TMEM120A: variants seen among roughly 807,000 people sequenced by gnomAD.
TMEM120A encodes the protein transmembrane protein 120A.
TMEM120A carries 45 observed loss-of-function variants against 54.3 expected under a neutral mutation model. The observed-to-expected ratio is 0.83, with a 90% confidence interval of 0.65 to 1.06. The LOEUF is 1.06. Ranked by LOEUF, TMEM120A falls within the 50% of genes least tolerant of loss-of-function variation. The pLI is 0.00. For missense variants in TMEM120A, 424 were observed against 441.7 expected (o/e 0.96, Z 0.36); for synonymous variants, 204 against 178.5 (o/e 1.14, Z -1.14).
rs111911492 is a variant in TMEM120A, at chr7:75,992,102, G to A, written c.317+42C>T. 199 of 1,420,406 alleles carry A rather than the reference G, an allele frequency of 1.4e-4. No individual in the cohort carries two copies. In the African/African-American group the frequency reaches 2.5e-3, roughly 18 times the overall value. 88.0% of individuals were successfully genotyped at this position (1,420,406 alleles called of 1,614,324 possible). ...GAGGAGGCAGCACCCGGCTTCAGGAGTGGCTGTGAACTGAGCTGGGGGTGG... is the reference window on the plus strand; with the variant it reads ...GAGGAGGCAGCACCCGGCTTCAGGAATGGCTGTGAACTGAGCTGGGGGTGG... On this transcript the variant is annotated intron_variant, in intron 3 of 11. Coordinates refer to ENST00000493111, the MANE Select transcript of TMEM120A (RefSeq NM_031925.3).
Position 75,987,098 on chromosome 7 carries a change from G to C in TMEM120A, c.*74C>G. ...GAGACCCCCTGATACACGCACACTC[G>C]AGGGGCGCCTCCCATCCCCTCCCAC... On this transcript the variant is annotated 3_prime_UTR_variant, in exon 12 of 12. Coordinates refer to ENST00000493111, the MANE Select transcript of TMEM120A (RefSeq NM_031925.3). 1 of 1,280,386 alleles carries C rather than the reference G, an allele frequency of 7.8e-7. No individual in the cohort carries two copies. The highest frequency in any genetic ancestry group is 1.8e-4 in the Middle Eastern group (1 of 5,458). 79.3% of individuals were successfully genotyped at this position (1,280,386 alleles called of 1,614,324 possible). A position where few individuals can be genotyped will look rare whatever the true frequency, so the allele number is the denominator to read the frequency against.
chr7:75,994,445 C>A lies in TMEM120A; in HGVS notation c.81+45G>T, dbSNP rs1445306640. ...TGCCCGACCCTTGACCCTGAGCCAG[C>A]GAGACGCGGCTCGGGGGCGACCCGG... is the stretch of plus-strand genomic sequence containing the variant. On this transcript the variant is annotated intron_variant, in intron 1 of 11. Transcript: ENST00000493111. 3.3e-6 allele frequency: 5 copies of A among 1,519,540 alleles called. No homozygotes were observed. The South Asian group carries it at 3.6e-5, about 11-fold the overall frequency. 94.1% of individuals were successfully genotyped at this position (1,519,540 alleles called of 1,614,324 possible).
chr7:75,994,051 G>A (rs994344363), intron 1 of TMEM120A, among the ~76,000 whole-genome samples: 1 of 150,648 alleles, frequency 6.6e-6, no homozygotes, highest in Non-Finnish European at 1.5e-5. Context: ...GGCGGCGCGC[G>A]GTATCCCTCT....
At chr7:75,989,418 G>A (rs191277870) in intron 3 of TMEM120A, among the ~76,000 whole-genome samples, 194 bp from the exon 4 acceptor site, 9 of 151,418 alleles carry the variant, frequency 5.9e-5, no homozygotes, top group Admixed American at 2.0e-4. Context: ...CTTCCTGGCC[G>A]CCTGCTCCGG....
chr7:75,991,367 C>T (rs1554561758), intron 3 of TMEM120A, among the ~76,000 whole-genome samples: 2 of 152,120 alleles, frequency 1.3e-5, no homozygotes, highest in African/African-American at 4.8e-5. Context: ...TGCTACCTCT[C>T]GCCCTCAGCC....
chr7:75,991,998 T>C lies in TMEM120A; in HGVS notation c.317+146A>G. 3 of 549,968 alleles carry C rather than the reference T, an allele frequency of 5.5e-6. No homozygotes were observed. The South Asian group carries it at 8.4e-5, about 15-fold the overall frequency. The allele number at this position is 549,968 out of a possible 1,614,324, so 34.1% of individuals were successfully genotyped here. On this transcript the variant is annotated intron_variant, in intron 3 of 11. Coordinates refer to ENST00000493111, the MANE Select transcript of TMEM120A (RefSeq NM_031925.3). ...GTGAAATGTCACTCTCAGCCAGGTG[T>C]CTCCCCTGAAGTCAGCACTGTGCCT...
At chr7:75,990,156 G>A (rs1789780512) in intron 3 of TMEM120A, among the ~76,000 whole-genome samples, 1 of 152,136 alleles carries the variant, frequency 6.6e-6, no homozygotes, top group Admixed American at 6.5e-5. Context: ...AACCCACCAG[G>A]CTGCGGATGT....
In TMEM120A at chr7:75,987,257, AGG is replaced by A; in HGVS notation, c.945_946del (p.Leu316ProfsTer75). 2.5e-6 allele frequency: 4 copies of A among 1,607,030 alleles called. No homozygotes were observed. Among genetic ancestry groups the A allele is most frequent in the East Asian group, 2.2e-5 (1 of 44,678 alleles). On this transcript the variant is annotated frameshift_variant, in exon 12 of 12. Transcript: ENST00000493111. LOFTEE classifies it high-confidence loss of function. ...GGTGAAGAAATTGCCGAGGAAAAGG[AGG>A]AGGAAGGGAAAGCCGCACATAAGCA...
At chr7:75,993,709 C>T (rs1394325138) in intron 1 of TMEM120A, among the ~76,000 whole-genome samples, 1 of 152,150 alleles carries the variant, frequency 6.6e-6, no homozygotes, top group Non-Finnish European at 1.5e-5. Flanking sequence ...TTTCTCATGC[C>T]CAGGAGGGGT....
At position 75,987,522 on chromosome 7, in the gene TMEM120A, CAG is replaced by C. The variant is rs782212691; in HGVS notation, c.849+14_849+15del. The stretch of plus-strand genomic sequence containing the variant: ...ACGGACAGACAGACAGGCAGGGACA[CAG>C]AGGCACGACTTACGTGTCCAAAGAA... On this transcript the variant is annotated intron_variant, in intron 10 of 11. Transcript: ENST00000493111. 1.3e-6 allele frequency: 2 copies of C among 1,582,006 alleles called. No individual in the cohort carries two copies. The highest frequency in any genetic ancestry group is 1.1e-5 in the South Asian group (1 of 87,076).
chr7:75,987,324 GC>G (rs782006792), intron 11 of TMEM120A, 35 bp downstream of exon 11: 96 of 1,566,838 alleles, frequency 6.1e-5, no homozygotes, highest in Non-Finnish European at 8.0e-5. Context: ...CATGGGCCTG[GC>G]CCCCCATCCA....
At position 75,987,046 on chromosome 7, in the gene TMEM120A, G is replaced by A. The variant is rs781856159; in HGVS notation, c.*126C>T. ...CAGGTCTTCCTTCAGGGCCCACAGC[G>A]CCCATAAAACCCAAGGGAGAATAGA... is the stretch of plus-strand genomic sequence containing the variant. On this transcript the variant is annotated 3_prime_UTR_variant, in exon 12 of 12. Transcript: ENST00000493111. 5.6e-5 allele frequency: 44 copies of A among 790,460 alleles called. 1 individual carries two copies. The highest frequency in any genetic ancestry group is 2.3e-4 in the Middle Eastern group (1 of 4,300). 49.0% of individuals were successfully genotyped at this position (790,460 alleles called of 1,614,324 possible).
At chr7:75,993,044 T>C (rs6960539) in intron 1 of TMEM120A, among the ~76,000 whole-genome samples, 148,971 of 151,532 alleles carry the variant, frequency 0.98, 73,272 homozygotes, top group Non-Finnish European at 1. Context: ...TCAGGTGATC[T>C]GCCTGCCTCG....
At position 75,987,387 on chromosome 7, in the gene TMEM120A, G is replaced by A. The variant is rs782715010; in HGVS notation, c.891C>T (p.Ala297=). The A allele has an allele frequency of 1.3e-5, 20 of 1,566,450 alleles. No individual in the cohort carries two copies. The East Asian group carries it at 2.6e-4, about 20-fold the overall frequency. ...LFNALTLFNL[A]QDPQCKEWQV... Reference sequence around the variant, plus strand: ...GCCACTCCTTGCACTGAGGGTCCTGGGCCAGGTTGAACAACGTCAGCGCGT... The same window carrying A: ...GCCACTCCTTGCACTGAGGGTCCTGAGCCAGGTTGAACAACGTCAGCGCGT... Residue 297 remains alanine, a synonymous_variant, in exon 11 of 12, where the codon GCC becomes GCT. Transcript: ENST00000493111.
At chr7:75,990,779 A>T (rs1000315250) in intron 3 of TMEM120A, among the ~76,000 whole-genome samples, 2 of 151,452 alleles carry the variant, frequency 1.3e-5, no homozygotes, top group Admixed American at 1.3e-4. Context: ...GGCACCTGTA[A>T]TCCCAGCTAC....
rs373173430 is a variant in TMEM120A at position 75,989,154 on chromosome 7, G to C, written c.377+11C>G. The C allele has an allele frequency of 1.6e-5, 22 of 1,333,652 alleles. No individual in the cohort carries two copies. The highest frequency in any genetic ancestry group is 2.2e-5 in the Non-Finnish European group (22 of 1,001,690). 82.6% of individuals were successfully genotyped at this position (1,333,652 alleles called of 1,614,324 possible). A position where few individuals can be genotyped will look rare whatever the true frequency, so the allele number is the denominator to read the frequency against. On this transcript the variant is annotated intron_variant, in intron 4 of 11. Transcript: ENST00000493111. ...GGTGGAGGTTGGGGGGTGGAGGCTC[G>C]GCCTGATTACTTAGCCTGCTTGCTC... is the stretch of plus-strand genomic sequence containing the variant.
At chr7:75,994,301 G>C (rs370581118) in intron 1 of TMEM120A, among the ~76,000 whole-genome samples, 189 bp downstream of exon 1, 1 of 152,088 alleles carries the variant, frequency 6.6e-6, no homozygotes, top group Non-Finnish European at 1.5e-5. Context: ...GTCCCGCCGG[G>C]GTTCCCGGAC....
In TMEM120A at chr7:75,986,946, CAG is replaced by C; in HGVS notation, c.*224_*225del. 1.7e-6 allele frequency: 1 copy of C among 600,016 alleles called. No individual in the cohort carries two copies. The allele number at this position is 600,016 out of a possible 1,614,324, so 37.2% of individuals were successfully genotyped here. On this transcript the variant is annotated 3_prime_UTR_variant, in exon 12 of 12. Coordinates refer to ENST00000493111, the MANE Select transcript of TMEM120A (RefSeq NM_031925.3). ...CAGGAACCCATGTGGTGGGGCCACC[CAG>C]CCCTCCCCTCCCCCAGGAGAACACA...
Position 75,989,094 on chromosome 7 carries a change from AG to A in TMEM120A, c.377+70del, listed in dbSNP as rs1325700060. 1.1e-4 allele frequency: 41 copies of A among 362,222 alleles called. 2 individuals are homozygous for A. Among genetic ancestry groups the A allele is most frequent in the Non-Finnish European group, 1.7e-4 (34 of 203,616 alleles). The allele number at this position is 362,222 out of a possible 1,614,324, so 22.4% of individuals were successfully genotyped here. On this transcript the variant is annotated intron_variant, in intron 4 of 11. Coordinates refer to ENST00000493111, the MANE Select transcript of TMEM120A (RefSeq NM_031925.3). ...AGGCTGGGTGGAGGGGTGGAGGTTG[AG>A]GGGGGGAGGGGGGTAGGGGGCTAGG... is the stretch of plus-strand genomic sequence containing the variant.
Sources: gnomAD v4.1 joint callset for allele counts (sites outside exome capture counted in the v4.1 genomes callset) on GRCh38, gnomAD v4.1.1 for gene constraint, MANE v1.5 for transcripts, NCBI Gene and HGNC (gene_info 2026-07-23, HGNC 2026-07-21) for gene names.